Variants in KIAA1671 observed in about 807,000 individuals in gnomAD.
The protein encoded by KIAA1671 is uncharacterized protein KIAA1671.
Under a neutral mutation model 131.2 loss-of-function variants are expected in KIAA1671, and 52 were observed. The ratio of observed to expected loss-of-function variants is 0.40; its 90% CI spans 0.32 to 0.50. The LOEUF (loss-of-function observed/expected upper bound fraction) is 0.50. KIAA1671 is among the 20% of genes least tolerant of loss of function. KIAA1671 has a pLI of 0.73. For missense variants in KIAA1671, 2,360 were observed against 2,364.2 expected (o/e 1.00, Z 0.04); for synonymous variants, 1,003 against 961.6 (o/e 1.04, Z -0.80).
At chr22:24,990,846 CT>C in intron 1 of KIAA1671, among the ~76,000 whole-genome samples, 1 of 152,116 alleles carries the variant, frequency 6.6e-6, no homozygotes, top group Middle Eastern at 3.4e-3. Context: ...AAGCCAGACA[CT>C]GAGCTAGGTC....
At chr22:25,052,269 T>C (rs1927573029) in intron 6 of KIAA1671, 1 of 152,294 alleles carries the variant, frequency 6.6e-6, no homozygotes. Flanking sequence ...TCAGCTGCTG[T>C]GCTGCTGCTG....
chr22:25,092,124 T>C (rs1299485625), intron 6 of KIAA1671, among the ~76,000 whole-genome samples: 2 of 152,132 alleles, frequency 1.3e-5, no homozygotes, highest in African/African-American at 4.8e-5. Context: ...TGTGTTCTAG[T>C]GGGAGAGACA....
rs1568951316 is a variant in KIAA1671, at chr22:25,093,792, C to CTGTCTCTCTCTCTT, written c.4530+44429_4530+44430insGTCTCTCTCTCTTT. Among the ~76,000 whole-genome samples the CTGTCTCTCTCTCTT allele has an allele frequency of 1.3e-3, 127 of 101,228 alleles. 4 individuals carry two copies. Among genetic ancestry groups the CTGTCTCTCTCTCTT allele is most frequent in the East Asian group, 1.9e-3 (7 of 3,742 alleles). The allele number at this position is 101,228 out of a possible 152,430, so 66.4% of individuals were successfully genotyped here. A position where few individuals can be genotyped will look rare whatever the true frequency, so the allele number is the denominator to read the frequency against. ...TGTCTCTCTCTCTCTCTCTCTCTCT[C>CTGTCTCTCTCTCTT]TCTCTCTCTCTCTCTCTCTGTCTCT... On this transcript the variant is annotated intron_variant, in intron 6 of 12. Coordinates refer to ENST00000358431, the MANE Select transcript of KIAA1671 (RefSeq NM_001145206.2).
chr22:25,024,242 C>T (rs1192626907), intron 1 of KIAA1671: 1 of 152,218 alleles, frequency 6.6e-6, no homozygotes, highest in African/African-American at 2.4e-5. Flanking sequence ...CATTTGTGTA[C>T]CATTGATCCT....
At chr22:25,023,531 C>T (rs1925783269) in intron 1 of KIAA1671, 1 of 152,148 alleles carries the variant, frequency 6.6e-6, no homozygotes, top group South Asian at 2.1e-4. Context: ...AAGAAGACTT[C>T]AAAGCATACA....
Position 25,028,361 on chromosome 22 carries a change from G to A in KIAA1671, c.362G>A (p.Gly121Glu). The change falls in exon 3 of 13, where the codon GGG (glycine) becomes GAG (glutamate). Residue 121 changes from glycine to glutamate, a missense_variant. Coordinates refer to ENST00000358431, the MANE Select transcript of KIAA1671 (RefSeq NM_001145206.2). The part of the protein sequence containing the change: ...PGLVGQEVGS[G>E]EGPRTSSPLF... ...TTGGTGGGGCAGGAGGTGGGCAGTG[G>A]GGAGGGCCCGAGGACGAGCTCGCCC... 1.3e-6 allele frequency: 2 copies of A among 1,550,918 alleles called. No individual in the cohort carries two copies. The highest frequency in any genetic ancestry group is 8.7e-7 in the Non-Finnish European group (1 of 1,146,970).
intron 6 of KIAA1671, among the ~76,000 whole-genome samples, chr22:25,076,145 G>A (rs1244196752): frequency 6.6e-6 from 1 of 152,120 alleles, no homozygotes; most frequent in Admixed American, 6.6e-5. Flanking sequence ...TAAAAAGTTT[G>A]TAACCATGAT....
chr22:25,085,783 AAGGGAGGGAGGG>A (rs201721547), intron 6 of KIAA1671, among the ~76,000 whole-genome samples: 2 of 107,428 alleles, frequency 1.9e-5, no homozygotes, highest in East Asian at 5.4e-4. Context: ...GGAAGGGAGG[AAGGGAGGGAGGG>A]AGGGAGGGAG....
chr22:25,015,268 A>G (rs967433951), intron 1 of KIAA1671, among the ~76,000 whole-genome samples: 2 of 150,722 alleles, frequency 1.3e-5, no homozygotes, highest in Non-Finnish European at 2.9e-5. Flanking sequence ...AGCAGCAACC[A>G]TAGATAATAT....
intron 6 of KIAA1671, among the ~76,000 whole-genome samples, chr22:25,151,453 A>G (rs1466603778): frequency 4.1e-5 from 5 of 123,414 alleles, no homozygotes; most frequent in Non-Finnish European, 6.5e-5. Context: ...TTTTTTTGAG[A>G]CGGAATCTCA....
At chr22:24,975,763 G>T (rs551972500) in intron 1 of KIAA1671, among the ~76,000 whole-genome samples, 3 of 152,212 alleles carry the variant, frequency 2.0e-5, no homozygotes, top group African/African-American at 7.2e-5. Flanking sequence ...CTGAGGCTCA[G>T]AGAGGGAATT....
chr22:25,090,059 C>T (rs889616877), intron 6 of KIAA1671, among the ~76,000 whole-genome samples: 1 of 152,198 alleles, frequency 6.6e-6, no homozygotes, highest in African/African-American at 2.4e-5. Context: ...TGGGCTCCAG[C>T]CTGATGCTCA....
chr22:25,049,009 C>A, intron 5 of KIAA1671: 1 of 544,040 alleles, frequency 1.8e-6, no homozygotes, highest in Non-Finnish European at 3.2e-6. Context: ...GTTGAGGCAC[C>A]CACCTGAGGT....
At chr22:24,955,421 G>C (rs1921641227) in intron 1 of KIAA1671, among the ~76,000 whole-genome samples, 1 of 152,184 alleles carries the variant, frequency 6.6e-6, no homozygotes, top group Non-Finnish European at 1.5e-5. Flanking sequence ...GCGGGTCAGA[G>C]AGTTTAGTTT....
At chr22:24,986,190 C>T (rs1162375154) in intron 1 of KIAA1671, among the ~76,000 whole-genome samples, 1 of 152,146 alleles carries the variant, frequency 6.6e-6, no homozygotes, top group East Asian at 1.9e-4. Context: ...ATGTCAGATT[C>T]TGGTTTGTGA....
At chr22:25,078,408 A>G (rs1929226692) in intron 6 of KIAA1671, among the ~76,000 whole-genome samples, 1 of 152,218 alleles carries the variant, frequency 6.6e-6, no homozygotes, top group African/African-American at 2.4e-5. Context: ...GTACGCCTAT[A>G]ATCTCAAATA....
intron 7 of KIAA1671, among the ~76,000 whole-genome samples, chr22:25,172,987 A>T (rs1210057255): frequency 6.6e-6 from 1 of 152,188 alleles, no homozygotes; most frequent in Non-Finnish European, 1.5e-5. Context: ...ACTACCTGAG[A>T]CTGGGTAATT....
At position 25,174,362 on chromosome 22, in the gene KIAA1671, C is replaced by A; in HGVS notation, c.4772C>A (p.Ser1591Tyr). Residue 1591 changes from serine (S) to tyrosine (Y), a missense_variant, in exon 8 of 13, where the codon TCC becomes TAC. Transcript: ENST00000358431. ...TCGGCAGGGGACCAGTATGACTGCT[C>A]CAGGGACCAGCGGAGCACCAGCGTG... ...PTSAGDQYDC[S>Y]RDQRSTSVDH... The A allele has an allele frequency of 6.4e-7, 1 of 1,552,026 alleles. No individual in the cohort carries two copies. Among genetic ancestry groups the A allele is most frequent in the South Asian group, 1.2e-5 (1 of 84,056 alleles).
At chr22:25,177,704 T>C (rs1456136078) in intron 9 of KIAA1671, among the ~76,000 whole-genome samples, 182 bp downstream of exon 9, 1 of 152,028 alleles carries the variant, frequency 6.6e-6, no homozygotes, top group African/African-American at 2.4e-5. Context: ...GTTCATTTAA[T>C]TTTTAAGTTC....
Sources: allele counts gnomAD v4.1 joint callset (sites outside exome capture counted in the v4.1 genomes callset), GRCh38; gene constraint gnomAD v4.1.1; transcripts MANE v1.5; gene names NCBI Gene and HGNC (gene_info 2026-07-23, HGNC 2026-07-21).